SLC35F1: variants seen among roughly 807,000 people sequenced by gnomAD.
SLC35F1 encodes solute carrier family 35 member F1, also known as chromosome 6 open reading frame 169.
Under a neutral mutation model 48.7 loss-of-function variants are expected in SLC35F1, and 14 were observed. The ratio of observed to expected loss-of-function variants is 0.29; its 90% confidence interval spans 0.19 to 0.45. The LOEUF is 0.45. SLC35F1 is among the 20% of genes least tolerant of loss of function. SLC35F1 has a pLI of 1.00. For missense variants in SLC35F1, 404 were observed against 500.0 expected (o/e 0.81, Z 1.83); for synonymous variants, 190 against 202.2 (o/e 0.94, Z 0.51).
intron 1 of SLC35F1, among the ~76,000 whole-genome samples, chr6:118,103,393 G>A (rs933271124): frequency 3.9e-5 from 6 of 152,196 alleles, no homozygotes; most frequent in African/African-American, 1.4e-4. Context: ...AGCATTATTT[G>A]TTAATACACA....
intron 4 of SLC35F1, among the ~76,000 whole-genome samples, chr6:118,267,546 C>T (rs1362719404): frequency 1.3e-5 from 2 of 152,190 alleles, no homozygotes; most frequent in African/African-American, 4.8e-5. Flanking sequence ...GCCACAGGGC[C>T]TTCCACACAT....
intron 2 of SLC35F1, among the ~76,000 whole-genome samples, chr6:118,230,043 A>G (rs1209353580): frequency 6.6e-6 from 1 of 152,224 alleles, no homozygotes; most frequent in Non-Finnish European, 1.5e-5. Flanking sequence ...ATACATGTGT[A>G]TAAAGACATA....
At chr6:118,028,744 A>C (rs1468230471) in intron 1 of SLC35F1, among the ~76,000 whole-genome samples, 1 of 152,126 alleles carries the variant, frequency 6.6e-6, no homozygotes, top group Non-Finnish European at 1.5e-5. Flanking sequence ...CCTTGTAGAC[A>C]GGGAAAATAG....
At chr6:118,025,411 G>A (rs879543018) in intron 1 of SLC35F1, among the ~76,000 whole-genome samples, 4 of 152,066 alleles carry the variant, frequency 2.6e-5, no homozygotes, top group Non-Finnish European at 4.4e-5. Context: ...ATAACTCATC[G>A]TCGTTGATAC....
chr6:117,986,477 A>G lies in SLC35F1; in HGVS notation c.173+78578A>G, dbSNP rs58058006. ...ACTAAGGATATAGTTTTAGGTTTTT[A>G]TATGTTCTTTTTATTTTCTACAAGT... On this transcript the variant is annotated intron_variant, in intron 1 of 7. Coordinates refer to ENST00000360388, the MANE Select transcript of SLC35F1 (RefSeq NM_001029858.4). Among the ~76,000 whole-genome samples, 934 of 152,238 alleles carry G rather than the reference A, an allele frequency of 6.1e-3. 12 individuals are homozygous for G. The highest frequency in any genetic ancestry group is 0.021 in the African/African-American group (887 of 41,540).
intron 2 of SLC35F1, among the ~76,000 whole-genome samples, chr6:118,157,384 A>C (rs1774160636): frequency 1.3e-5 from 2 of 152,178 alleles, no homozygotes; most frequent in South Asian, 4.1e-4. Flanking sequence ...GGTCAGGAGG[A>C]CTGTATTAGT....
chr6:118,185,859 G>A (rs1247369304), intron 2 of SLC35F1, among the ~76,000 whole-genome samples: 1 of 152,162 alleles, frequency 6.6e-6, no homozygotes, highest in Non-Finnish European at 1.5e-5. Context: ...AACAAGCACA[G>A]TGTCTGGCAC....
chr6:118,084,433 C>T (rs762158519), intron 1 of SLC35F1, among the ~76,000 whole-genome samples: 11 of 152,062 alleles, frequency 7.2e-5, no homozygotes, highest in East Asian at 1.9e-4. Context: ...TGTTTCTAAA[C>T]GATACAAGGC....
intron 1 of SLC35F1, among the ~76,000 whole-genome samples, chr6:118,000,288 G>A (rs1393690085): frequency 1.3e-5 from 2 of 152,084 alleles, no homozygotes; most frequent in African/African-American, 4.8e-5. Context: ...TGCAAGGCTG[G>A]TTCAATATAT....
chr6:118,201,749 C>T (rs1328120283), intron 2 of SLC35F1, among the ~76,000 whole-genome samples: 1 of 152,170 alleles, frequency 6.6e-6, no homozygotes, highest in Non-Finnish European at 1.5e-5. Flanking sequence ...AAATCCCATA[C>T]CCCATTGGTA....
chr6:118,258,938 G>T (rs1304869308), intron 3 of SLC35F1, among the ~76,000 whole-genome samples: 2 of 151,770 alleles, frequency 1.3e-5, no homozygotes, highest in Non-Finnish European at 2.9e-5. Flanking sequence ...ACACATAGAT[G>T]ACTTACCATA....
intron 3 of SLC35F1, among the ~76,000 whole-genome samples, chr6:118,246,735 T>C (rs147371513): frequency 2.0e-5 from 3 of 152,308 alleles, no homozygotes; most frequent in Non-Finnish European, 4.4e-5. Flanking sequence ...TCCTTTCCCC[T>C]GGTGTGATCA....
chr6:118,030,026 T>C (rs772054549), intron 1 of SLC35F1, among the ~76,000 whole-genome samples: 1 of 152,044 alleles, frequency 6.6e-6, no homozygotes, highest in Non-Finnish European at 1.5e-5. Flanking sequence ...AAAAGTAAAG[T>C]AGGGAAAGGA....
chr6:118,227,121 A>T (rs1000623869), intron 2 of SLC35F1, among the ~76,000 whole-genome samples: 1 of 152,214 alleles, frequency 6.6e-6, no homozygotes, highest in Non-Finnish European at 1.5e-5. Flanking sequence ...TGTGGCTGCC[A>T]TCATGCTCAA....
At chr6:118,005,228 A>G (rs1056047288) in intron 1 of SLC35F1, among the ~76,000 whole-genome samples, 1 of 152,076 alleles carries the variant, frequency 6.6e-6, no homozygotes, top group African/African-American at 2.4e-5. Flanking sequence ...GCTCACATGC[A>G]TACAGGTTGT....
chr6:118,232,444 A>C (rs1179030498), intron 2 of SLC35F1, among the ~76,000 whole-genome samples: 1 of 147,970 alleles, frequency 6.8e-6, no homozygotes, highest in Non-Finnish European at 1.5e-5. Flanking sequence ...GCTACACGGG[A>C]GGCTGAGGCA....
intron 1 of SLC35F1, among the ~76,000 whole-genome samples, chr6:118,006,048 T>G (rs1562262292): frequency 6.6e-6 from 1 of 152,196 alleles, no homozygotes; most frequent in Non-Finnish European, 1.5e-5. Flanking sequence ...AAATAAATTT[T>G]GAGCTCCCTG....
chr6:118,102,991 C>T (rs558401949), intron 1 of SLC35F1, among the ~76,000 whole-genome samples: 1 of 152,212 alleles, frequency 6.6e-6, no homozygotes, highest in South Asian at 2.1e-4. Flanking sequence ...CTCCCTTTAC[C>T]CATCTGTAAA....
chr6:118,165,255 T>TTGTG (rs577261060), intron 2 of SLC35F1, among the ~76,000 whole-genome samples: 1 of 152,110 alleles, frequency 6.6e-6, no homozygotes, highest in Non-Finnish European at 1.5e-5. Context: ...CTCCCCTTGT[T>TTGTG]TGTGTGTGTG....
Sources: allele counts gnomAD v4.1 joint callset (sites outside exome capture counted in the v4.1 genomes callset), GRCh38; gene constraint gnomAD v4.1.1; transcripts MANE v1.5; gene names NCBI Gene and HGNC (gene_info 2026-07-23, HGNC 2026-07-21).